The following GSG1L variants were observed in gnomAD, a reference collection of about 807,000 sequenced individuals.
GSG1L encodes the protein GSG1 like.
In GSG1L, 24 loss-of-function variants were observed where a neutral mutation model predicts 42.1. That is an observed-to-expected ratio of 0.57 (90% confidence interval 0.41 to 0.80). The LOEUF is 0.80. GSG1L is among the 30% of genes least tolerant of loss of function. The pLI is 0.00. For synonymous variants in GSG1L, 215 were observed against 203.5 expected, an observed-to-expected ratio of 1.06 and a Z score of -0.48; for missense variants, 445 against 472.2, an observed-to-expected ratio of 0.94 and a Z score of 0.53.
At chr16:27,959,135 G>T (rs1027659340) in intron 2 of GSG1L, among the ~76,000 whole-genome samples, 1 of 150,664 alleles carries the variant, frequency 6.6e-6, no homozygotes, top group African/African-American at 2.4e-5. Context: ...ACTGGCTGTT[G>T]ATTGGGGTTT....
intron 2 of GSG1L, among the ~76,000 whole-genome samples, chr16:27,920,602 G>A (rs1470913133): frequency 6.6e-6 from 1 of 152,224 alleles, no homozygotes; most frequent in African/African-American, 2.4e-5. Flanking sequence ...AGAGCAGCCT[G>A]AGGAGCGTGG....
intron 2 of GSG1L, among the ~76,000 whole-genome samples, chr16:27,948,613 T>TC (rs1423405144): frequency 6.8e-6 from 1 of 148,008 alleles, no homozygotes; most frequent in East Asian, 2.0e-4. Flanking sequence ...CTTCTTCTTT[T>TC]TTTTTTTTTT....
intron 1 of GSG1L, among the ~76,000 whole-genome samples, chr16:28,023,157 T>C (rs553487041): frequency 2.0e-5 from 3 of 152,318 alleles, no homozygotes; most frequent in African/African-American, 7.2e-5. Flanking sequence ...TTTTAAAAGG[T>C]TTTTGTTTAA....
In GSG1L at chr16:27,947,585, GAAA is replaced by G. The variant is rs1567530927; in HGVS notation, c.397+15568_397+15570del. On this transcript the variant is annotated intron_variant, in intron 2 of 6. Transcript: ENST00000447459. ...AGAAAGAAAGAAAGAAAGAAAGAAA[GAAA>G]GAAAGAAAGAAAAAGAAAGAAAGAA... 1.4e-3 allele frequency among the ~76,000 whole-genome samples: 143 copies of G among 104,330 alleles called. 2 individuals carry two copies. Among genetic ancestry groups the G allele is most frequent in the African/African-American group, 4.8e-3 (137 of 28,830 alleles). 68.4% of individuals were successfully genotyped at this position (104,330 alleles called of 152,430 possible).
intron 1 of GSG1L, among the ~76,000 whole-genome samples, chr16:27,996,789 AT>A (rs949119110): frequency 1.3e-5 from 2 of 152,022 alleles, no homozygotes; most frequent in African/African-American, 2.4e-5. Context: ...TTTCTTTTTT[AT>A]TTTTAGACAG....
intron 1 of GSG1L, among the ~76,000 whole-genome samples, chr16:28,024,564 G>A (rs2085880234): frequency 6.6e-6 from 1 of 152,162 alleles, no homozygotes; most frequent in Non-Finnish European, 1.5e-5. Flanking sequence ...GGTGGCCTTC[G>A]CTGTTGAGGG....
intron 2 of GSG1L, among the ~76,000 whole-genome samples, chr16:27,934,176 C>T (rs935637081): frequency 1.4e-4 from 21 of 152,334 alleles, no homozygotes; most frequent in African/African-American, 4.6e-4. Context: ...TACTACCCTC[C>T]AGCTCATTTA....
rs530762458 is a variant in GSG1L, at chr16:27,954,240, C to T, written c.397+8916G>A. ...CATTACAGTTAAGGAATAAGAAAGT[C>T]ATAAATCCTCAGAACAAAGAGGATG... On this transcript the variant is annotated intron_variant, in intron 2 of 6. Coordinates refer to ENST00000447459, the MANE Select transcript of GSG1L (RefSeq NM_001109763.2). Among the ~76,000 whole-genome samples the T allele has an allele frequency of 4.6e-5, 7 of 152,106 alleles. No homozygotes were observed. The East Asian group carries it at 1.4e-3, about 29-fold the overall frequency.
At chr16:27,971,281 TG>T (rs750860969) in intron 1 of GSG1L, among the ~76,000 whole-genome samples, 73 of 152,304 alleles carry the variant, frequency 4.8e-4, no homozygotes, top group Admixed American at 1.2e-3. Context: ...TCCATGAACA[TG>T]GGATGTTTTT....
At chr16:27,979,686 A>AGAAGGAAGGAAGGAAGGAAGGAAG (rs1271446807) in intron 1 of GSG1L, among the ~76,000 whole-genome samples, 1 of 40,068 alleles carries the variant, frequency 2.5e-5, no homozygotes, top group African/African-American at 1.1e-4. Context: ...AGAGAAAGAA[A>AGAAGGAAGGAAGGAAGGAAGGAAG]GAAGGAAGGA....
At chr16:27,825,213 C>T (rs1454507182) in intron 5 of GSG1L, among the ~76,000 whole-genome samples, 1 of 152,152 alleles carries the variant, frequency 6.6e-6, no homozygotes, top group East Asian at 1.9e-4. Flanking sequence ...AGTCAATCAC[C>T]AGAAAACCCT....
chr16:27,888,751 G>C (rs980672742), intron 2 of GSG1L, among the ~76,000 whole-genome samples: 1 of 151,516 alleles, frequency 6.6e-6, no homozygotes, highest in Non-Finnish European at 1.5e-5. Context: ...CCGAGTAGCT[G>C]GGATTGCAGG....
chr16:28,049,791 T>C (rs111666178), intron 1 of GSG1L, among the ~76,000 whole-genome samples: 6 of 152,286 alleles, frequency 3.9e-5, no homozygotes, highest in African/African-American at 1.4e-4. Context: ...AAGAACTCCA[T>C]GGCTGCCCTC....
chr16:27,964,485 T>C (rs2085107027), intron 1 of GSG1L, among the ~76,000 whole-genome samples: 1 of 152,222 alleles, frequency 6.6e-6, no homozygotes, highest in Non-Finnish European at 1.5e-5. Flanking sequence ...TATTTATCAA[T>C]TGTGGATAGC....
chr16:27,888,495 CTTT>C lies in GSG1L; in HGVS notation c.398-3860_398-3858del, dbSNP rs1567505930. Among the ~76,000 whole-genome samples, 6 of 5,998 alleles carry C rather than the reference CTTT, an allele frequency of 1.0e-3. 1 individual carries two copies. Among genetic ancestry groups the C allele is most frequent in the Non-Finnish European group, 1.3e-3 (3 of 2,280 alleles). 3.9% of individuals were successfully genotyped at this position (5,998 alleles called of 152,430 possible). A position where few individuals can be genotyped will look rare whatever the true frequency, so the allele number is the denominator to read the frequency against. ...CTCTCTCTCTTTCCTTTCTTTCTTT[CTTT>C]CTTTCTTTCTTTCTTTCTTTCTTTC... On this transcript the variant is annotated intron_variant, in intron 2 of 6. Transcript: ENST00000447459.
chr16:27,841,226 G>A (rs897469437), intron 4 of GSG1L, among the ~76,000 whole-genome samples: 1 of 152,108 alleles, frequency 6.6e-6, no homozygotes, highest in Non-Finnish European at 1.5e-5. Flanking sequence ...CTGGTGAGGG[G>A]CAGGGGCAGG....
At chr16:28,004,110 G>A (rs954788121) in intron 1 of GSG1L, among the ~76,000 whole-genome samples, 1 of 152,196 alleles carries the variant, frequency 6.6e-6, no homozygotes, top group African/African-American at 2.4e-5. Flanking sequence ...GAGGGGGCAG[G>A]AGAGAGCCCA....
intron 2 of GSG1L, among the ~76,000 whole-genome samples, chr16:27,936,304 G>T (rs538578804): frequency 6.6e-6 from 1 of 152,288 alleles, no homozygotes; most frequent in African/African-American, 2.4e-5. Flanking sequence ...TCTGCTGTTA[G>T]AGATGGAGCC....
At chr16:27,904,527 G>C (rs2084297803) in intron 2 of GSG1L, among the ~76,000 whole-genome samples, 1 of 151,946 alleles carries the variant, frequency 6.6e-6, no homozygotes, top group African/African-American at 2.4e-5. Context: ...GATCTTTCTA[G>C]AATGTAAATC....
Sources: allele counts gnomAD v4.1 joint callset (sites outside exome capture counted in the v4.1 genomes callset), GRCh38; gene constraint gnomAD v4.1.1; transcripts MANE v1.5; gene names NCBI Gene and HGNC (gene_info 2026-07-23, HGNC 2026-07-21).